The following TMEM150C variants were observed in gnomAD, a reference collection of about 807,000 sequenced individuals.
TMEM150C encodes transmembrane protein 150C.
TMEM150C carries 10 observed loss-of-function variants against 29.9 expected under a neutral mutation model. The ratio of observed to expected loss-of-function variants is 0.33; its 90% confidence interval spans 0.21 to 0.57. The LOEUF (loss-of-function observed/expected upper bound fraction) is 0.57. Ranked by LOEUF, TMEM150C falls within the 20% of genes least tolerant of loss-of-function variation. The probability of loss-of-function intolerance (pLI) is 0.88; values close to 1 mark genes in which losing one functional copy is unlikely to be tolerated. For missense variants in TMEM150C, 251 were observed against 303.6 expected (o/e 0.83, Z 1.29); for synonymous variants, 101 against 112.5 (o/e 0.90, Z 0.64).
intron 5 of TMEM150C, among the ~76,000 whole-genome samples, chr4:82,499,393 G>A (rs572788249): frequency 2.8e-4 from 43 of 152,214 alleles, no homozygotes; most frequent in African/African-American, 1.0e-3. Context: ...CCATACAGGT[G>A]TCCCCTACTT....
intron 7 of TMEM150C, among the ~76,000 whole-genome samples, chr4:82,488,922 T>C (rs1439439854): frequency 6.6e-6 from 1 of 151,930 alleles, no homozygotes; most frequent in African/African-American, 2.4e-5. Context: ...CAGGCCTTTA[T>C]TATTTATTTA....
intron 1 of TMEM150C, among the ~76,000 whole-genome samples, chr4:82,529,239 T>TTCCC (rs1333139709): frequency 2.0e-4 from 30 of 150,858 alleles, no homozygotes; most frequent in African/African-American, 4.4e-4. Flanking sequence ...TTTTGTTTCT[T>TTCCC]TCCCTCCCTC....
chr4:82,527,187 T>C (rs9968530), intron 1 of TMEM150C, among the ~76,000 whole-genome samples: 3,027 of 152,164 alleles, frequency 0.02, 115 homozygotes, highest in African/African-American at 0.07. Flanking sequence ...TCCTTACCTG[T>C]GTGTTTCCGG....
At chr4:82,507,719 CTCTCTCTCTTTTTTTTTTTTTTTT>C (rs1560485537) in intron 1 of TMEM150C, among the ~76,000 whole-genome samples, 7 of 68,280 alleles carry the variant, frequency 1.0e-4, no homozygotes, top group African/African-American at 4.6e-4. Context: ...AACTCTCTCT[CTCTCTCTCTTTTTTTTTTTTTTTT>C]TTTTTTTTTT....
chr4:82,551,292 T>C (rs937209659), intron 1 of TMEM150C, among the ~76,000 whole-genome samples: 2 of 152,210 alleles, frequency 1.3e-5, no homozygotes, highest in Non-Finnish European at 2.9e-5. Context: ...TACACTATAC[T>C]ATTTATTTAT....
intron 1 of TMEM150C, among the ~76,000 whole-genome samples, chr4:82,529,972 G>A (rs1206300324): frequency 3.9e-5 from 6 of 152,066 alleles, no homozygotes; most frequent in Non-Finnish European, 8.8e-5. Flanking sequence ...GAGGGAATGT[G>A]TAGGGCTCCA....
chr4:82,553,301 AAAGGC>A (rs1464345715), intron 1 of TMEM150C, among the ~76,000 whole-genome samples: 1 of 152,250 alleles, frequency 6.6e-6, no homozygotes, highest in African/African-American at 2.4e-5. Flanking sequence ...ATTTATTTGG[AAAGGC>A]AAGGTAAATA....
intron 6 of TMEM150C, among the ~76,000 whole-genome samples, chr4:82,493,528 C>T (rs1723439730): frequency 6.6e-6 from 1 of 152,126 alleles, no homozygotes; most frequent in South Asian, 2.1e-4. Flanking sequence ...GGCAAACGTT[C>T]TTCATAAGTA....
intron 1 of TMEM150C, among the ~76,000 whole-genome samples, chr4:82,529,383 G>A (rs765252793): frequency 2.6e-5 from 4 of 151,702 alleles, no homozygotes; most frequent in Non-Finnish European, 4.4e-5. Flanking sequence ...CGACTTCCTG[G>A]GCTCAAGCAA....
chr4:82,497,817 T>C lies in TMEM150C; in HGVS notation c.236-1622A>G, dbSNP rs527991361. On this transcript the variant is annotated intron_variant, in intron 5 of 7. Transcript: ENST00000449862. ...GATGAAAAATAGGCACAACGTCTTA[T>C]TAATTTTAGGATAGGAGTAGGAGGA... Among the ~76,000 whole-genome samples, 6 of 152,252 alleles carry C rather than the reference T, an allele frequency of 3.9e-5. 1 individual carries two copies. In the South Asian group the frequency reaches 1.2e-3, roughly 32 times the overall value.
At chr4:82,549,527 T>C (rs1725500383) in intron 1 of TMEM150C, among the ~76,000 whole-genome samples, 1 of 152,190 alleles carries the variant, frequency 6.6e-6, no homozygotes, top group Non-Finnish European at 1.5e-5. Context: ...AAAGAAGTTT[T>C]GGAGATTGGA....
intron 1 of TMEM150C, among the ~76,000 whole-genome samples, chr4:82,534,003 G>A (rs571792667): frequency 6.6e-6 from 1 of 152,080 alleles, no homozygotes; most frequent in Non-Finnish European, 1.5e-5. Flanking sequence ...TCTTGGTTTT[G>A]GTAACTGGAG....
intron 1 of TMEM150C, among the ~76,000 whole-genome samples, chr4:82,546,236 T>C (rs1472390681): frequency 2.6e-5 from 4 of 152,154 alleles, no homozygotes; most frequent in Admixed American, 6.5e-5. Context: ...AAAAACCTAT[T>C]CTAAAATTCA....
At chr4:82,503,821 G>C (rs761092635) in intron 2 of TMEM150C, among the ~76,000 whole-genome samples, 1 of 151,782 alleles carries the variant, frequency 6.6e-6, no homozygotes. Context: ...CTGCACTTCA[G>C]CCTGGCAACA....
At chr4:82,492,076 C>T (rs530177617) in intron 6 of TMEM150C, among the ~76,000 whole-genome samples, 2 of 151,754 alleles carry the variant, frequency 1.3e-5, no homozygotes, top group South Asian at 4.2e-4. Context: ...GCTGGGATTA[C>T]AGGCGTGAGC....
At chr4:82,525,391 A>G (rs1724620665) in intron 1 of TMEM150C, among the ~76,000 whole-genome samples, 1 of 152,214 alleles carries the variant, frequency 6.6e-6, no homozygotes, top group Admixed American at 6.5e-5. Flanking sequence ...TCCAAAGTCT[A>G]GTTCAGTGAT....
intron 1 of TMEM150C, among the ~76,000 whole-genome samples, chr4:82,529,246 C>T (rs1449322907): frequency 7.0e-6 from 1 of 142,986 alleles, no homozygotes; most frequent in Non-Finnish European, 1.5e-5. Flanking sequence ...TCTTTCCCTC[C>T]CTCCCTCCCT....
intron 5 of TMEM150C, among the ~76,000 whole-genome samples, chr4:82,497,829 T>C (rs1176416104): frequency 1.3e-5 from 2 of 152,046 alleles, no homozygotes; most frequent in Non-Finnish European, 2.9e-5. Flanking sequence ...AATTTTAGGA[T>C]AGGAGTAGGA....
chr4:82,496,228 A>C (rs765937162), intron 5 of TMEM150C, 33 bp from the exon 6 acceptor site: 3 of 1,604,892 alleles, frequency 1.9e-6, no homozygotes, highest in Non-Finnish European at 2.6e-6. Flanking sequence ...AAATGGAAGA[A>C]ATTAAATCAC....
Sources: allele counts gnomAD v4.1 joint callset (sites outside exome capture counted in the v4.1 genomes callset), GRCh38; gene constraint gnomAD v4.1.1; transcripts MANE v1.5; gene names NCBI Gene and HGNC (gene_info 2026-07-23, HGNC 2026-07-21).